Variants in AFAP1 observed in about 807,000 individuals in gnomAD.
The protein encoded by AFAP1 is actin filament-associated protein 1.
A neutral mutation model predicts 93.9 loss-of-function variants in AFAP1; 75 were observed. The observed-to-expected ratio is 0.80, with a 90% CI of 0.66 to 0.97. AFAP1 has a LOEUF of 0.97. Ranked by LOEUF, AFAP1 falls within the 50% of genes least tolerant of loss-of-function variation. The probability of loss-of-function intolerance (pLI) is 0.00; values close to 1 mark genes in which losing one functional copy is unlikely to be tolerated. For synonymous variants in AFAP1, 517 were observed against 430.7 expected (o/e 1.20, Z -2.48); for missense variants, 1,201 against 1,050.8 (o/e 1.14, Z -1.98).
chr4:7,781,654 G>A (rs1206732834), intron 12 of AFAP1, 27 bp from the exon 13 acceptor site: 16 of 1,549,764 alleles, frequency 1.0e-5, no homozygotes, highest in Non-Finnish European at 1.4e-5. Flanking sequence ...TTTGTGGTTA[G>A]TGACTTGGAC....
chr4:7,857,310 G>C (rs1447674897), intron 3 of AFAP1, among the ~76,000 whole-genome samples: 1 of 152,118 alleles, frequency 6.6e-6, no homozygotes, highest in African/African-American at 2.4e-5. Flanking sequence ...CTGAAGCCAA[G>C]AAGTCCTTTG....
intron 1 of AFAP1, among the ~76,000 whole-genome samples, chr4:7,896,534 C>A (rs903817089): frequency 6.7e-6 from 1 of 149,424 alleles, no homozygotes; most frequent in Non-Finnish European, 1.5e-5. Flanking sequence ...TCAGTCCTCA[C>A]TCCCCCCACA....
At chr4:7,911,518 T>C (rs1719724478) in intron 1 of AFAP1, among the ~76,000 whole-genome samples, 1 of 152,230 alleles carries the variant, frequency 6.6e-6, no homozygotes, top group Admixed American at 6.5e-5. Context: ...TGACATGCTT[T>C]ACGGATTGCA....
chr4:7,874,530 A>ATTTTTTTTTTTTTTTT (rs71175435), intron 1 of AFAP1, among the ~76,000 whole-genome samples: 1 of 51,498 alleles, frequency 1.9e-5, no homozygotes, highest in Non-Finnish European at 3.0e-5. Flanking sequence ...TGCCCAGCTA[A>ATTTTTTTTTTTTTTTT]TTTTTTTTTT....
At chr4:7,795,727 G>A (rs993446483) in intron 10 of AFAP1, among the ~76,000 whole-genome samples, 4 of 152,090 alleles carry the variant, frequency 2.6e-5, no homozygotes, top group Non-Finnish European at 5.9e-5. Flanking sequence ...AATCTATATT[G>A]AGAATGTATC....
intron 4 of AFAP1, among the ~76,000 whole-genome samples, chr4:7,848,611 C>T (rs1714083025): frequency 6.6e-6 from 1 of 152,184 alleles, no homozygotes; most frequent in African/African-American, 2.4e-5. Flanking sequence ...GGGCCTCCAG[C>T]CTATCGGATG....
At chr4:7,863,373 C>G (rs941512743) in intron 3 of AFAP1, among the ~76,000 whole-genome samples, 1 of 152,044 alleles carries the variant, frequency 6.6e-6, no homozygotes, top group Non-Finnish European at 1.5e-5. Context: ...GAGCCCAGAT[C>G]GTGCCACTGC....
At chr4:7,899,000 T>C (rs1216845893) in intron 1 of AFAP1, among the ~76,000 whole-genome samples, 6 of 143,036 alleles carry the variant, frequency 4.2e-5, no homozygotes, top group Non-Finnish European at 9.4e-5. Context: ...TATACACAAA[T>C]GTATATATAT....
At chr4:7,824,494 CAG>C (rs1369703694) in intron 6 of AFAP1, among the ~76,000 whole-genome samples, 5 of 152,006 alleles carry the variant, frequency 3.3e-5, no homozygotes, top group Non-Finnish European at 5.9e-5. Flanking sequence ...AAATTGGAGA[CAG>C]AGAGCAGAAA....
chr4:7,864,438 A>C (rs1241854421), intron 3 of AFAP1, among the ~76,000 whole-genome samples: 1 of 152,252 alleles, frequency 6.6e-6, no homozygotes, highest in Admixed American at 6.5e-5. Flanking sequence ...TCATTAAGGC[A>C]AACTTAATGT....
At chr4:7,907,271 C>T (rs2149222441) in intron 1 of AFAP1, among the ~76,000 whole-genome samples, 2 of 152,268 alleles carry the variant, frequency 1.3e-5, no homozygotes, top group Middle Eastern at 3.4e-3. Flanking sequence ...AGCTAAACCA[C>T]TGCTTCTCCC....
At chr4:7,902,139 G>C (rs4696742) in intron 1 of AFAP1, among the ~76,000 whole-genome samples, 1 of 152,086 alleles carries the variant, frequency 6.6e-6, no homozygotes, top group Non-Finnish European at 1.5e-5. Context: ...ACTGCAATAG[G>C]AGCAATCTTT....
chr4:7,922,643 T>C (rs1720498546), intron 1 of AFAP1, among the ~76,000 whole-genome samples: 1 of 152,316 alleles, frequency 6.6e-6, no homozygotes, highest in Admixed American at 6.5e-5. Context: ...GCCCAGATCA[T>C]GAGCCTTGAA....
In AFAP1 at chr4:7,770,286, A is replaced by C. The variant is rs73082488; in HGVS notation, c.2254-1278T>G. Among the ~76,000 whole-genome samples, 677 of 152,298 alleles carry C rather than the reference A, an allele frequency of 4.4e-3. 5 individuals carry two copies. Among genetic ancestry groups the C allele is most frequent in the African/African-American group, 0.016 (649 of 41,576 alleles). On this transcript the variant is annotated intron_variant, in intron 16 of 17. Coordinates refer to ENST00000420658, the MANE Select transcript of AFAP1 (RefSeq NM_001134647.2). ...AAGGGGCCAGAGGGAAGCTCGAGCC[A>C]TGGGGGTGGAAGAATGTGGAGCCAC...
rs1383577997 is a variant in AFAP1, at chr4:7,759,049, AAATAC to A, written c.*4711_*4715del. The A allele has an allele frequency of 2.6e-5, 4 of 152,696 alleles. No individual in the cohort carries two copies. The highest frequency in any genetic ancestry group is 6.5e-5 in the Admixed American group (1 of 15,286). The allele number at this position is 152,696 out of a possible 1,614,324, so 9.5% of individuals were successfully genotyped here. ...TTTAAATATGACTTTAGCTTTTAAA[AAATAC>A]AATAAGGAAATAATTACATTCTTAA... On this transcript the variant is annotated 3_prime_UTR_variant, in exon 18 of 18. Coordinates refer to ENST00000420658, the MANE Select transcript of AFAP1 (RefSeq NM_001134647.2).
At chr4:7,824,557 T>G (rs1398737240) in intron 6 of AFAP1, among the ~76,000 whole-genome samples, 1 of 152,230 alleles carries the variant, frequency 6.6e-6, no homozygotes, top group Admixed American at 6.6e-5. Context: ...AAGCACTGGT[T>G]AAACACAGTT....
In AFAP1 at chr4:7,819,316, A is replaced by C. The variant is rs868153020; in HGVS notation, c.727-145T>G. 1.2e-5 allele frequency: 8 copies of C among 644,472 alleles called. No homozygotes were observed. In the South Asian group the frequency reaches 2.2e-4, roughly 17 times the overall value. 39.9% of individuals were successfully genotyped at this position (644,472 alleles called of 1,614,324 possible). ...ACCTGGCTCTGAGTTCCAGCGTGCC[A>C]GGTACTCATTTGTTCACTCACCCAT... On this transcript the variant is annotated intron_variant, in intron 6 of 17. Transcript: ENST00000420658.
At chr4:7,769,156 G>C (rs1006567329) in intron 16 of AFAP1, 148 bp from the exon 17 acceptor site, 2 of 1,076,410 alleles carry the variant, frequency 1.9e-6, no homozygotes, top group Non-Finnish European at 1.3e-6. Context: ...CACGTGGTCA[G>C]TGCCTCACCC....
chr4:7,779,014 G>GA, intron 13 of AFAP1, 138 bp from the exon 14 acceptor site: 1 of 662,348 alleles, frequency 1.5e-6, no homozygotes, highest in South Asian at 2.0e-5. Context: ...AATCGAAAGT[G>GA]AAAGAAAACC....
Sources: gnomAD v4.1 joint callset for allele counts (sites outside exome capture counted in the v4.1 genomes callset) on GRCh38, gnomAD v4.1.1 for gene constraint, MANE v1.5 for transcripts, NCBI Gene and HGNC (gene_info 2026-07-23, HGNC 2026-07-21) for gene names.